Variants in WDR27 observed in about 807,000 individuals in gnomAD.
WDR27 encodes WD repeat domain 27.
In WDR27, 100 loss-of-function variants were observed where a neutral mutation model predicts 114.4. The ratio of observed to expected loss-of-function variants is 0.87; its 90% confidence interval spans 0.74 to 1.03. The LOEUF (loss-of-function observed/expected upper bound fraction) is 1.03. Among genes scored for constraint, WDR27 ranks in the 50% least tolerant of loss-of-function variants. The pLI is 0.00. For synonymous variants in WDR27, 449 were observed against 423.1 expected, an observed-to-expected ratio of 1.06 and a Z score of -0.75; for missense variants, 1,129 against 1,092.9, an observed-to-expected ratio of 1.03 and a Z score of -0.47.
At chr6:169,479,835 G>A (rs1031894380) in intron 25 of WDR27, among the ~76,000 whole-genome samples, 2 of 152,318 alleles carry the variant, frequency 1.3e-5, no homozygotes, top group East Asian at 3.9e-4. Flanking sequence ...GTACCCATTA[G>A]TTATTTTTCC....
chr6:169,480,658 A>G (rs1787895309), intron 25 of WDR27, among the ~76,000 whole-genome samples: 2 of 151,400 alleles, frequency 1.3e-5, no homozygotes, highest in Non-Finnish European at 2.9e-5. Context: ...TTTTATGTCT[A>G]GCTAGAGGAT....
chr6:169,622,686 G>T (rs114405925), intron 21 of WDR27, among the ~76,000 whole-genome samples: 4 of 152,186 alleles, frequency 2.6e-5, no homozygotes, highest in Non-Finnish European at 5.9e-5. Flanking sequence ...ACTTTTCAAA[G>T]AAGTGATATT....
intron 21 of WDR27, among the ~76,000 whole-genome samples, chr6:169,615,224 A>T (rs1192539983): frequency 1.3e-5 from 2 of 152,156 alleles, no homozygotes; most frequent in Non-Finnish European, 2.9e-5. Flanking sequence ...CATTATTGTC[A>T]TTATTTCACT....
rs1782459624 is a variant in WDR27 at position 169,684,718 on chromosome 6, CA to C, written c.189+4098del. ...AATCCAGCAGCTGTGTGCCCACTTACAAAGCCTGAGAAACAGCTCTATGGGC... is the reference window on the plus strand; with the variant it reads ...AATCCAGCAGCTGTGTGCCCACTTACAAGCCTGAGAAACAGCTCTATGGGC... On this transcript the variant is annotated intron_variant, in intron 2 of 25. Coordinates refer to ENST00000448612, the MANE Select transcript of WDR27 (RefSeq NM_182552.5). This position sits in a 1 kb window ranked among gnomAD's most constrained non-coding sequence, Gnocchi z 4.3. Among the ~76,000 whole-genome samples, 1 of 152,202 alleles carries C rather than the reference CA, an allele frequency of 6.6e-6. No homozygotes were observed. The highest frequency in any genetic ancestry group is 2.4e-5 in the African/African-American group (1 of 41,450).
chr6:169,520,040 C>T (rs898749804), intron 25 of WDR27, among the ~76,000 whole-genome samples: 6 of 151,902 alleles, frequency 3.9e-5, no homozygotes, highest in Non-Finnish European at 7.4e-5. Context: ...CAGGAGTGCC[C>T]GAAAAGAAAA....
Position 169,664,362 on chromosome 6 carries a change from A to G in WDR27, c.784-76T>C. 5 of 1,605,110 alleles carry G rather than the reference A, an allele frequency of 3.1e-6. No homozygotes were observed. The East Asian group carries it at 8.9e-5, about 29-fold the overall frequency. ...GCAGAAGCAGCAACACCAGAGGTGG[A>G]GCAGGGAGGGCAGACACGTCACAGG... On this transcript the variant is annotated intron_variant, in intron 7 of 25. Coordinates refer to ENST00000448612, the MANE Select transcript of WDR27 (RefSeq NM_182552.5).
chr6:169,675,555 T>C (rs567246220), intron 2 of WDR27, among the ~76,000 whole-genome samples: 1 of 152,312 alleles, frequency 6.6e-6, no homozygotes, highest in African/African-American at 2.4e-5. Context: ...CTTGGTTTTA[T>C]GTACTTTAGG....
intron 25 of WDR27, among the ~76,000 whole-genome samples, chr6:169,551,059 G>T (rs1338383106): frequency 2.6e-5 from 4 of 152,096 alleles, no homozygotes; most frequent in African/African-American, 9.7e-5. Flanking sequence ...AATAAATAAA[G>T]AACATAAACT....
intron 24 of WDR27, among the ~76,000 whole-genome samples, chr6:169,582,606 C>A (rs2128140784): frequency 6.6e-6 from 1 of 152,208 alleles, no homozygotes; most frequent in Non-Finnish European, 1.5e-5. Flanking sequence ...GTGGCAAACA[C>A]CTTCATTATA....
Position 169,532,706 on chromosome 6 carries a change from G to A in WDR27, c.2645+39713C>T, listed in dbSNP as rs530812605. Among the ~76,000 whole-genome samples, 5 of 152,112 alleles carry A rather than the reference G, an allele frequency of 3.3e-5. No homozygotes were observed. The South Asian group carries it at 1.0e-3, about 32-fold the overall frequency. ...GGTGTATTTGTCAATGGGTAGATGTGTATATTTGTTGTTGGGTAAAACATG... is the reference window on the plus strand; with the variant it reads ...GGTGTATTTGTCAATGGGTAGATGTATATATTTGTTGTTGGGTAAAACATG... On this transcript the variant is annotated intron_variant, in intron 25 of 25. Transcript: ENST00000448612.
chr6:169,460,682 G>C (rs1252880581), intron 25 of WDR27, among the ~76,000 whole-genome samples: 1 of 152,110 alleles, frequency 6.6e-6, no homozygotes, highest in Non-Finnish European at 1.5e-5. Context: ...AACTATAGTT[G>C]CCTCTCAATA....
chr6:169,645,037 A>T lies in WDR27; in HGVS notation c.1658-1251T>A, dbSNP rs559773978. Reference sequence around the variant, plus strand: ...AAAAAAAAAAATAAAAAAAAAAAATAAAAAAAAAAAAAAAAAAAAAAGAAA... The same window carrying T: ...AAAAAAAAAAATAAAAAAAAAAAATTAAAAAAAAAAAAAAAAAAAAAGAAA... On this transcript the variant is annotated intron_variant, in intron 16 of 25. Transcript: ENST00000448612. Among the ~76,000 whole-genome samples the T allele has an allele frequency of 2.3e-3, 254 of 110,562 alleles. 10 individuals are homozygous for T. Among genetic ancestry groups the T allele is most frequent in the Non-Finnish European group, 4.2e-3 (226 of 54,068 alleles). The allele number at this position is 110,562 out of a possible 152,430, so 72.5% of individuals were successfully genotyped here.
intron 13 of WDR27, 63 bp from the exon 14 acceptor site, chr6:169,652,071 G>A (rs776348480): frequency 2.7e-5 from 38 of 1,396,040 alleles, no homozygotes; most frequent in Non-Finnish European, 3.7e-5. Context: ...TGATGGACAT[G>A]AGAAGAACAG....
chr6:169,516,788 A>ACACACACAC (rs1491166898), intron 25 of WDR27, among the ~76,000 whole-genome samples: 2 of 119,264 alleles, frequency 1.7e-5, no homozygotes, highest in African/African-American at 3.1e-5. Flanking sequence ...GGCATGCTCC[A>ACACACACAC]ACACACACAC....
intron 25 of WDR27, among the ~76,000 whole-genome samples, chr6:169,535,925 C>T (rs929301514): frequency 2.6e-4 from 39 of 152,320 alleles, no homozygotes; most frequent in South Asian, 4.1e-4. Flanking sequence ...ATCCACTGTT[C>T]CAGACTTTGT....
intron 25 of WDR27, among the ~76,000 whole-genome samples, chr6:169,473,300 G>A (rs1264898466): frequency 6.6e-6 from 1 of 152,216 alleles, no homozygotes; most frequent in Non-Finnish European, 1.5e-5. Flanking sequence ...AGTGCGCTTG[G>A]AGACTGAAGA....
intron 24 of WDR27, among the ~76,000 whole-genome samples, chr6:169,572,882 T>C (rs190507866): frequency 8.5e-5 from 13 of 152,320 alleles, no homozygotes; most frequent in Middle Eastern, 3.4e-3. Context: ...ACACTACTTA[T>C]AGTACCAAAA....
intron 25 of WDR27, among the ~76,000 whole-genome samples, chr6:169,460,698 G>A (rs969877290): frequency 5.3e-5 from 8 of 152,236 alleles, no homozygotes; most frequent in Middle Eastern, 3.4e-3. Context: ...CAATATACTT[G>A]GGGTATTAGT....
chr6:169,470,956 A>G (rs1786294142), intron 25 of WDR27, among the ~76,000 whole-genome samples: 1 of 152,106 alleles, frequency 6.6e-6, no homozygotes, highest in South Asian at 2.1e-4. Context: ...AATGAGTGCT[A>G]TTTATACCTA....
Sources: allele counts gnomAD v4.1 joint callset (sites outside exome capture counted in the v4.1 genomes callset), GRCh38; gene constraint gnomAD v4.1.1; non-coding constraint Gnocchi (gnomAD v3.1); transcripts MANE v1.5; gene names NCBI Gene and HGNC (gene_info 2026-07-23, HGNC 2026-07-21).